SAMSN1: variants seen among roughly 807,000 people sequenced by gnomAD.
SAMSN1 encodes the protein SAM domain-containing protein SAMSN-1.
A neutral mutation model predicts 42.0 loss-of-function variants in SAMSN1; 31 were observed. The observed-to-expected ratio is 0.74, with a 90% CI of 0.55 to 1.00. The LOEUF is 1.00. Among genes scored for constraint, SAMSN1 ranks in the 50% least tolerant of loss-of-function variants. The pLI is 0.00. For synonymous variants in SAMSN1, 178 were observed against 151.9 expected (o/e 1.17, Z -1.26); for missense variants, 464 against 439.4 (o/e 1.06, Z -0.50).
At chr21:14,537,907 T>TCTACAGGACCA (rs1335472979) in intron 1 of SAMSN1, among the ~76,000 whole-genome samples, 1 of 152,212 alleles carries the variant, frequency 6.6e-6, no homozygotes, top group African/African-American at 2.4e-5. Flanking sequence ...GTGCTGTTGC[T>TCTACAGGACCA]CTATAGGACC....
At chr21:14,525,465 G>C (rs532394092) in intron 1 of SAMSN1, among the ~76,000 whole-genome samples, 1 of 152,236 alleles carries the variant, frequency 6.6e-6, no homozygotes, top group South Asian at 2.1e-4. Flanking sequence ...AAGAGTTAAA[G>C]TATAAACTGA....
chr21:14,493,867 T>A (rs1986799512), intron 7 of SAMSN1, among the ~76,000 whole-genome samples: 1 of 152,180 alleles, frequency 6.6e-6, no homozygotes, highest in South Asian at 2.1e-4. Flanking sequence ...CAAATATCTA[T>A]GCTGGTCTTG....
Position 14,577,048 on chromosome 21 carries a change from C to CTTTTTTTTTTTT in SAMSN1, c.261+5076_261+5087dup, listed in dbSNP as rs991163598. Among the ~76,000 whole-genome samples the CTTTTTTTTTTTT allele has an allele frequency of 1.1e-4, 6 of 54,918 alleles. 1 individual carries two copies. Among genetic ancestry groups the CTTTTTTTTTTTT allele is most frequent in the Non-Finnish European group, 1.7e-4 (5 of 29,962 alleles). The allele number at this position is 54,918 out of a possible 152,430, so 36.0% of individuals were successfully genotyped here. On this transcript the variant is annotated intron_variant, in intron 2 of 8. Transcript: ENST00000285670. ...GTTTATGTCTAGATTGCATCCGTTTCTTTTTTTTTTTTTTTTTTTTTTTTT... is the reference window on the plus strand; with the variant it reads ...GTTTATGTCTAGATTGCATCCGTTTCTTTTTTTTTTTTTTTTTTTTTTTTTTTTTTTTTTTTT...
At chr21:14,645,153 C>G (rs1027988851) in intron 1 of SAMSN1, among the ~76,000 whole-genome samples, 1 of 152,194 alleles carries the variant, frequency 6.6e-6, no homozygotes, top group Non-Finnish European at 1.5e-5. Context: ...AGAGCCTGAG[C>G]GCTTTGAGTG....
At chr21:14,486,354 A>T (rs1986438688) in intron 7 of SAMSN1, among the ~76,000 whole-genome samples, 1 of 152,156 alleles carries the variant, frequency 6.6e-6, no homozygotes, top group South Asian at 2.1e-4. Flanking sequence ...TTGCAGTTTC[A>T]TGGAATTCAT....
At chr21:14,509,830 A>C (rs1461402787) in intron 5 of SAMSN1, among the ~76,000 whole-genome samples, 2 of 152,080 alleles carry the variant, frequency 1.3e-5, no homozygotes, top group Admixed American at 1.3e-4. Context: ...ACTCCACCTC[A>C]CATATTTTAT....
At chr21:14,621,019 C>A (rs575559469) in intron 2 of SAMSN1, among the ~76,000 whole-genome samples, 25 of 152,266 alleles carry the variant, frequency 1.6e-4, no homozygotes, top group South Asian at 4.2e-4. Flanking sequence ...AAATGCCACA[C>A]GCAAACTGAA....
chr21:14,512,452 C>T lies in SAMSN1; in HGVS notation c.401G>A (p.Ser134Asn). 1 of 1,613,900 alleles carries T rather than the reference C, an allele frequency of 6.2e-7. No individual in the cohort carries two copies. Among genetic ancestry groups the T allele is most frequent in the African/African-American group, 1.3e-5 (1 of 75,030 alleles). ...DSMDSLYSGQ[S>N]SSSGITSCSD... ...TGATTCATTAGCCTTACTTGATGAG[C>T]TCTGTCCACTGTAGAGACTATCCAT... Residue 134 changes from serine to asparagine, a missense_variant, in exon 4 of 8, where the codon AGC becomes AAC. By Grantham distance (46) the Ser-to-Asn change is conservative (BLOSUM62 1). Coordinates refer to ENST00000400566, the MANE Select transcript of SAMSN1 (RefSeq NM_022136.5).
intron 1 of SAMSN1, among the ~76,000 whole-genome samples, chr21:14,657,888 G>T (rs779667013): frequency 6.6e-6 from 1 of 151,746 alleles, no homozygotes; most frequent in Non-Finnish European, 1.5e-5. Context: ...GTATTACAAC[G>T]TATGTCAGCA....
chr21:14,521,382 C>T (rs1978470379), intron 1 of SAMSN1, among the ~76,000 whole-genome samples, 161 bp from the exon 2 acceptor site: 2 of 152,176 alleles, frequency 1.3e-5, no homozygotes, highest in South Asian at 4.1e-4. Flanking sequence ...GAAGGTATAC[C>T]TATTAACATT....
chr21:14,526,280 A>T lies in SAMSN1; in HGVS notation c.58-5059T>A, dbSNP rs867099225. On this transcript the variant is annotated intron_variant, in intron 1 of 7. Coordinates refer to ENST00000400566, the MANE Select transcript of SAMSN1 (RefSeq NM_022136.5). ...AACAAAATAAACTTGCGTTTCCTAA[A>T]TTCATTTTAATACATCTAACTTTTC... Among the ~76,000 whole-genome samples, 11 of 152,344 alleles carry T rather than the reference A, an allele frequency of 7.2e-5. No homozygotes were observed. The South Asian group carries it at 1.7e-3, about 23-fold the overall frequency.
rs1317305051 is a variant in SAMSN1 at position 14,498,396 on chromosome 21, T to G, written c.919+46A>C. 3 of 1,535,898 alleles carry G rather than the reference T, an allele frequency of 2.0e-6. No individual in the cohort carries two copies. The South Asian group carries it at 3.7e-5, about 19-fold the overall frequency. The stretch of plus-strand genomic sequence containing the variant: ...GTTTCTAATGATTATACTATTTACA[T>G]TAAACTGATTATCAGCTGGGGAGAA... On this transcript the variant is annotated intron_variant, in intron 7 of 7. Transcript: ENST00000400566.
chr21:14,532,066 C>T (rs1217705473), intron 1 of SAMSN1, among the ~76,000 whole-genome samples: 3 of 152,048 alleles, frequency 2.0e-5, no homozygotes, highest in Non-Finnish European at 4.4e-5. Context: ...TAATGGTCAC[C>T]GCCAGCCCAG....
intron 2 of SAMSN1, among the ~76,000 whole-genome samples, chr21:14,553,468 T>C (rs1980664267): frequency 6.6e-6 from 1 of 152,186 alleles, no homozygotes; most frequent in South Asian, 2.1e-4. Context: ...TTTTCTGTTC[T>C]AATGTGTTCT....
At chr21:14,528,058 A>G (rs935038639) in intron 1 of SAMSN1, among the ~76,000 whole-genome samples, 1 of 152,108 alleles carries the variant, frequency 6.6e-6, no homozygotes, top group Non-Finnish European at 1.5e-5. Context: ...TTGCTTTTTC[A>G]GGTAGAAAGC....
intron 2 of SAMSN1, among the ~76,000 whole-genome samples, chr21:14,577,278 ATATATATTTTTT>A (rs1981531883): frequency 2.1e-5 from 1 of 47,592 alleles, no homozygotes; most frequent in African/African-American, 1.4e-4. Context: ...ATATATATAT[ATATATATTTTTT>A]TTTTAGAAGA....
chr21:14,643,213 C>A, intron 1 of SAMSN1: 1 of 676,236 alleles, frequency 1.5e-6, no homozygotes, highest in South Asian at 1.7e-5. Flanking sequence ...ATACACCCAC[C>A]TTTATATAGT....
At chr21:14,552,294 G>A (rs746048178) in intron 2 of SAMSN1, among the ~76,000 whole-genome samples, 3 of 152,072 alleles carry the variant, frequency 2.0e-5, no homozygotes, top group Non-Finnish European at 2.9e-5. Context: ...TGAGACTTAT[G>A]CACACTTTAT....
intron 2 of SAMSN1, among the ~76,000 whole-genome samples, chr21:14,627,398 C>A (rs1046706991): frequency 6.6e-6 from 1 of 152,116 alleles, no homozygotes; most frequent in Non-Finnish European, 1.5e-5. Context: ...AATTTTTCAC[C>A]AAATTTTACT....
Sources: allele counts gnomAD v4.1 joint callset (sites outside exome capture counted in the v4.1 genomes callset), GRCh38; gene constraint gnomAD v4.1.1; transcripts MANE v1.5; gene names NCBI Gene and HGNC (gene_info 2026-07-23, HGNC 2026-07-21).